Variants in SUGCT observed in about 807,000 individuals in gnomAD.
SUGCT encodes the protein succinyl-CoA:glutarate CoA-transferase.
In SUGCT, 41 loss-of-function variants were observed where a neutral mutation model predicts 55.0. That is an observed-to-expected ratio of 0.74 (90% CI 0.58 to 0.97). SUGCT has a LOEUF of 0.97. Among genes scored for constraint, SUGCT ranks in the 50% least tolerant of loss-of-function variants. SUGCT has a pLI of 0.00. For synonymous variants in SUGCT, 187 were observed against 200.4 expected (o/e 0.93, Z 0.56); for missense variants, 568 against 547.8 (o/e 1.04, Z -0.37).
At chr7:40,839,941 A>G (rs1388183901) in intron 13 of SUGCT, among the ~76,000 whole-genome samples, 2 of 152,148 alleles carry the variant, frequency 1.3e-5, no homozygotes, top group African/African-American at 2.4e-5. Flanking sequence ...CAAAACCCAG[A>G]AGAGGAGAGC....
At chr7:40,180,553 GAT>G (rs932415065) in intron 1 of SUGCT, among the ~76,000 whole-genome samples, 4 of 151,208 alleles carry the variant, frequency 2.6e-5, no homozygotes, top group Admixed American at 6.6e-5. Context: ...GCAGCGGCAT[GAT>G]CTCAACTCAC....
chr7:40,476,736 A>C (rs1266018949), intron 11 of SUGCT, among the ~76,000 whole-genome samples: 1 of 151,846 alleles, frequency 6.6e-6, no homozygotes, highest in Non-Finnish European at 1.5e-5. Context: ...GAATATTATT[A>C]TATTGAATAT....
intron 1 of SUGCT, among the ~76,000 whole-genome samples, chr7:40,172,108 T>C (rs945344515): frequency 2.6e-5 from 4 of 152,174 alleles, no homozygotes; most frequent in African/African-American, 9.7e-5. Context: ...CTCCCTTTAA[T>C]TTACTCAATT....
chr7:40,898,945 C>A, the SUGCT span, among the ~76,000 whole-genome samples: 2 of 151,974 alleles, frequency 1.3e-5, no homozygotes, highest in African/African-American at 4.8e-5. Context: ...TTGGAACTGC[C>A]ACATTTAAGT....
At chr7:40,442,183 C>G (rs528828563) in intron 9 of SUGCT, among the ~76,000 whole-genome samples, 1 of 152,222 alleles carries the variant, frequency 6.6e-6, no homozygotes. Flanking sequence ...CATATCTTAG[C>G]AGAATTCAAG....
chr7:40,446,228 A>G (rs1583696951), intron 9 of SUGCT, among the ~76,000 whole-genome samples: 1 of 152,214 alleles, frequency 6.6e-6, no homozygotes, highest in South Asian at 2.1e-4. Flanking sequence ...TGAACAGCCC[A>G]GAAAATATAA....
At chr7:40,912,194 A>G in the SUGCT span, among the ~76,000 whole-genome samples, 2 of 152,112 alleles carry the variant, frequency 1.3e-5, no homozygotes, top group Admixed American at 6.6e-5. Flanking sequence ...TACAATACCT[A>G]TCTTTCTATT....
chr7:40,799,444 A>G (rs1040011486), intron 13 of SUGCT, among the ~76,000 whole-genome samples: 7 of 152,162 alleles, frequency 4.6e-5, no homozygotes, highest in African/African-American at 1.7e-4. Context: ...TCCTAAAGAA[A>G]GTTACCCAAA....
intron 9 of SUGCT, among the ~76,000 whole-genome samples, chr7:40,416,874 G>C (rs1020730134): frequency 9.9e-5 from 15 of 152,008 alleles, no homozygotes; most frequent in Non-Finnish European, 1.6e-4. Context: ...TCAGCTGTAA[G>C]TCTGTCTGGA....
At chr7:40,657,660 A>G (rs944101811) in intron 12 of SUGCT, among the ~76,000 whole-genome samples, 1 of 151,776 alleles carries the variant, frequency 6.6e-6, no homozygotes, top group Non-Finnish European at 1.5e-5. Flanking sequence ...TCAGCCTCCC[A>G]AGTAGCTGGG....
At chr7:40,547,771 A>T (rs1023574883) in intron 12 of SUGCT, among the ~76,000 whole-genome samples, 1 of 152,174 alleles carries the variant, frequency 6.6e-6, no homozygotes, top group African/African-American at 2.4e-5. Flanking sequence ...ATACTCTGAT[A>T]TATTATCATT....
At chr7:40,197,345 A>G (rs999393139) in intron 6 of SUGCT, among the ~76,000 whole-genome samples, 1 of 152,208 alleles carries the variant, frequency 6.6e-6, no homozygotes, top group African/African-American at 2.4e-5. Context: ...TGAGGTTTAA[A>G]ATCTTAATAT....
intron 13 of SUGCT, among the ~76,000 whole-genome samples, chr7:40,816,188 C>T (rs1029954517): frequency 6.6e-6 from 1 of 152,212 alleles, no homozygotes; most frequent in African/African-American, 2.4e-5. Flanking sequence ...GCCCCTACCC[C>T]ACTCCAAAGC....
intron 7 of SUGCT, among the ~76,000 whole-genome samples, chr7:40,267,037 C>CAAAAAA (rs71750843): frequency 1.2e-5 from 1 of 86,746 alleles, no homozygotes; most frequent in African/African-American, 4.4e-5. Context: ...AACAAACAAA[C>CAAAAAA]AAAAAAAAAA....
intron 3 of SUGCT, among the ~76,000 whole-genome samples, chr7:40,184,294 T>A (rs994391851): frequency 6.6e-6 from 1 of 152,260 alleles, no homozygotes; most frequent in East Asian, 1.9e-4. Context: ...ATTTTATTTT[T>A]TTTTGAGACA....
chr7:40,243,304 A>G (rs955579576), intron 7 of SUGCT, among the ~76,000 whole-genome samples: 5 of 152,110 alleles, frequency 3.3e-5, no homozygotes, highest in Admixed American at 1.3e-4. Flanking sequence ...ATACTGAGCA[A>G]TCAAATGAAC....
rs1030672908 is a variant in SUGCT at position 40,289,711 on chromosome 7, A to C, written c.720+15055A>C. Among the ~76,000 whole-genome samples, 31 of 152,194 alleles carry C rather than the reference A, an allele frequency of 2.0e-4. 1 individual carries two copies. The highest frequency in any genetic ancestry group is 1.8e-3 in the Admixed American group (27 of 15,270). On this transcript the variant is annotated intron_variant, in intron 8 of 13. Coordinates refer to ENST00000335693, the MANE Select transcript of SUGCT (RefSeq NM_001193313.2). ...ATTCAATTAAGAAAAGAGGAAGTCA[A>C]ATTGTCCCTGTTTGCAGATGACATG...
At chr7:40,141,520 G>A (rs191584301) in intron 1 of SUGCT, among the ~76,000 whole-genome samples, 1 of 151,966 alleles carries the variant, frequency 6.6e-6, no homozygotes, top group Admixed American at 6.6e-5. Context: ...TGTAATCCCA[G>A]CTACTTGGGA....
chr7:40,324,144 T>C (rs1795888573), intron 9 of SUGCT, among the ~76,000 whole-genome samples: 1 of 151,480 alleles, frequency 6.6e-6, no homozygotes, highest in Non-Finnish European at 1.5e-5. Flanking sequence ...AGCGTCCCTT[T>C]CCATATTTTG....
Sources: allele counts gnomAD v4.1 joint callset (sites outside exome capture counted in the v4.1 genomes callset), GRCh38; gene constraint gnomAD v4.1.1; transcripts MANE v1.5; gene names NCBI Gene and HGNC (gene_info 2026-07-23, HGNC 2026-07-21).